UBE3D: variants seen among roughly 807,000 people sequenced by gnomAD.
UBE3D encodes ubiquitin protein ligase E3D, also known as E3 ubiquitin-protein ligase E3D.
Under a neutral mutation model 49.6 loss-of-function variants are expected in UBE3D, and 48 were observed. The observed-to-expected ratio is 0.97, with a 90% CI of 0.77 to 1.23. The LOEUF is 1.23. UBE3D is among the 50% of genes most tolerant of loss of function. UBE3D has a pLI of 0.00. For synonymous variants in UBE3D, 189 were observed against 174.2 expected, an observed-to-expected ratio of 1.08 and a Z score of -0.67; for missense variants, 452 against 468.4, an observed-to-expected ratio of 0.96 and a Z score of 0.32.
rs1049968843 is a variant in UBE3D, at chr6:83,014,438, G to A, written c.1010+4535C>T. Reference sequence around the variant, plus strand: ...ATGTGGGGGTTCTGCCAGTTGTTAAGTATGTCTATGCCAATTATGCATTCT... The same window carrying A: ...ATGTGGGGGTTCTGCCAGTTGTTAAATATGTCTATGCCAATTATGCATTCT... On this transcript the variant is annotated intron_variant, in intron 8 of 9. Transcript: ENST00000369747. Among the ~76,000 whole-genome samples the A allele has an allele frequency of 3.3e-5, 5 of 152,188 alleles. No individual in the cohort carries two copies. The South Asian group carries it at 6.2e-4, about 19-fold the overall frequency.
intron 8 of UBE3D, among the ~76,000 whole-genome samples, chr6:83,002,621 G>A (rs1369767290): frequency 1.3e-5 from 2 of 152,374 alleles, no homozygotes; most frequent in East Asian, 1.9e-4. Flanking sequence ...GGAGGCAGAC[G>A]TTGCGGTGAG....
chr6:83,035,495 G>A (rs958397962), intron 5 of UBE3D, among the ~76,000 whole-genome samples: 8 of 152,090 alleles, frequency 5.3e-5, no homozygotes, highest in African/African-American at 1.9e-4. Flanking sequence ...AGAATTCTGG[G>A]CTGAAATCTT....
chr6:82,957,515 T>C (rs1776249888), intron 8 of UBE3D, 65 bp from the exon 9 acceptor site: 4 of 1,515,716 alleles, frequency 2.6e-6, no homozygotes, highest in East Asian at 2.3e-5. Context: ...AAATCTGATA[T>C]GAAAGAAGAA....
intron 7 of UBE3D, among the ~76,000 whole-genome samples, chr6:83,021,730 G>A (rs866208577): frequency 2.6e-5 from 4 of 151,940 alleles, no homozygotes; most frequent in Admixed American, 1.3e-4. Context: ...TTAGCCGGGC[G>A]TGGTGGCGGG....
At position 83,019,077 on chromosome 6, in the gene UBE3D, G is replaced by T. The variant is rs1279367346; in HGVS notation, c.906C>A (p.Ile302=). The T allele has an allele frequency of 3.1e-6, 5 of 1,613,760 alleles. No individual in the cohort carries two copies. Among genetic ancestry groups the T allele is most frequent in the East Asian group, 2.2e-5 (1 of 44,822 alleles). ...TGTTTTCCAACAAGGGGAATTTTTT[G>T]ATATATTTGGAATTTCTCAAAGATT... ...VIESLRNSKY[I]KKFPLLENTF... is the part of the protein sequence containing the mutation. Residue 302 remains isoleucine, a synonymous_variant, in exon 8 of 10, where the codon ATC becomes ATA. Transcript: ENST00000369747.
chr6:83,045,125 T>A (rs1013339369), intron 3 of UBE3D, among the ~76,000 whole-genome samples: 3 of 152,208 alleles, frequency 2.0e-5, no homozygotes, highest in Non-Finnish European at 4.4e-5. Context: ...CTGTGATGAA[T>A]GTTCCTGTTA....
At chr6:83,047,382 C>T (rs562713818) in intron 3 of UBE3D, among the ~76,000 whole-genome samples, 94 of 152,272 alleles carry the variant, frequency 6.2e-4, no homozygotes, top group Non-Finnish European at 1.1e-3. Flanking sequence ...TTCTTGGGAA[C>T]CCTACAAACT....
intron 9 of UBE3D, among the ~76,000 whole-genome samples, chr6:82,956,679 T>C (rs1776179333): frequency 6.6e-6 from 1 of 151,940 alleles, no homozygotes; most frequent in Non-Finnish European, 1.5e-5. Context: ...AGAAGGGAGG[T>C]GGCATTCACA....
chr6:82,948,973 G>C (rs554171466), intron 9 of UBE3D, among the ~76,000 whole-genome samples: 107 of 152,100 alleles, frequency 7.0e-4, no homozygotes, highest in African/African-American at 2.5e-3. Flanking sequence ...TGACAAGGAT[G>C]CCCACTGCCA....
At chr6:83,056,507 G>T (rs1407842530) in intron 2 of UBE3D, among the ~76,000 whole-genome samples, 1 of 152,116 alleles carries the variant, frequency 6.6e-6, no homozygotes, top group Non-Finnish European at 1.5e-5. Flanking sequence ...TAACCTTCTT[G>T]CTATGGTTAT....
intron 9 of UBE3D, among the ~76,000 whole-genome samples, chr6:82,899,274 C>T (rs764889235): frequency 2.0e-4 from 31 of 152,086 alleles, no homozygotes; most frequent in Admixed American, 2.6e-4. Flanking sequence ...AGATCCTGTC[C>T]CTCCAAATTG....
chr6:82,976,665 C>T (rs765409807), intron 8 of UBE3D, among the ~76,000 whole-genome samples: 10 of 152,270 alleles, frequency 6.6e-5, no homozygotes, highest in African/African-American at 1.9e-4. Flanking sequence ...TGTACTTCCC[C>T]GCTTAGAAAC....
At chr6:82,921,272 A>G (rs1773316463) in intron 9 of UBE3D, among the ~76,000 whole-genome samples, 1 of 152,176 alleles carries the variant, frequency 6.6e-6, no homozygotes, top group Non-Finnish European at 1.5e-5. Flanking sequence ...AAAATCTTTT[A>G]AACACATAGC....
At chr6:83,014,842 T>C (rs1278930974) in intron 8 of UBE3D, among the ~76,000 whole-genome samples, 2 of 152,138 alleles carry the variant, frequency 1.3e-5, no homozygotes, top group African/African-American at 4.8e-5. Flanking sequence ...GTCTGGAAAT[T>C]GATTGAGGGA....
At chr6:82,976,880 C>T (rs568243953) in intron 8 of UBE3D, among the ~76,000 whole-genome samples, 34 of 151,970 alleles carry the variant, frequency 2.2e-4, no homozygotes, top group African/African-American at 7.7e-4. Context: ...TTTGGGAGGC[C>T]GAGGCGGGCA....
intron 9 of UBE3D, among the ~76,000 whole-genome samples, chr6:82,913,806 T>C (rs542819355): frequency 1.3e-5 from 2 of 152,346 alleles, no homozygotes; most frequent in South Asian, 4.1e-4. Flanking sequence ...AAGTGTCTTT[T>C]TACATATAAG....
chr6:83,061,453 A>G (rs1784163622), intron 1 of UBE3D, among the ~76,000 whole-genome samples: 1 of 152,246 alleles, frequency 6.6e-6, no homozygotes, highest in African/African-American at 2.4e-5. Context: ...TTTAAGACTA[A>G]GTTTGATTGA....
At chr6:82,937,576 C>A (rs755335271) in intron 9 of UBE3D, among the ~76,000 whole-genome samples, 1 of 152,112 alleles carries the variant, frequency 6.6e-6, no homozygotes, top group South Asian at 2.1e-4. Flanking sequence ...ACAGAAGAGG[C>A]TCACATTTTA....
intron 8 of UBE3D, among the ~76,000 whole-genome samples, chr6:82,981,244 G>A (rs2127719180): frequency 6.6e-6 from 1 of 152,104 alleles, no homozygotes; most frequent in African/African-American, 2.4e-5. Flanking sequence ...GCTGTAAAAC[G>A]GGGGTAATAA....
Sources: allele counts gnomAD v4.1 joint callset (sites outside exome capture counted in the v4.1 genomes callset), GRCh38; gene constraint gnomAD v4.1.1; transcripts MANE v1.5; gene names NCBI Gene and HGNC (gene_info 2026-07-23, HGNC 2026-07-21).